MAL: variants seen among roughly 807,000 people sequenced by gnomAD.
MAL encodes myelin and lymphocyte protein.
In MAL, 5 loss-of-function variants were observed where a neutral mutation model predicts 16.7. The observed-to-expected ratio is 0.30, with a 90% CI of 0.16 to 0.63. The LOEUF (loss-of-function observed/expected upper bound fraction) is 0.63, where lower values mean the gene tolerates loss of function less well. MAL is among the 30% of genes least tolerant of loss of function. MAL has a pLI of 0.82. For synonymous variants in MAL, 96 were observed against 85.5 expected, an observed-to-expected ratio of 1.12 and a Z score of -0.67; for missense variants, 202 against 195.8, an observed-to-expected ratio of 1.03 and a Z score of -0.19.
chr2:95,025,941 G>A lies in MAL; in HGVS notation c.93+56G>A. 2.1e-6 allele frequency: 3 copies of A among 1,440,940 alleles called. No individual in the cohort carries two copies. The highest frequency in any genetic ancestry group is 9.4e-7 in the Non-Finnish European group (1 of 1,064,940). 89.3% of individuals were successfully genotyped at this position (1,440,940 alleles called of 1,614,324 possible). A position where few individuals can be genotyped will look rare whatever the true frequency, so the allele number is the denominator to read the frequency against. On this transcript the variant is annotated intron_variant, in intron 1 of 3. Coordinates refer to ENST00000309988, the MANE Select transcript of MAL (RefSeq NM_002371.4). This position sits in a 1 kb window ranked among gnomAD's most constrained non-coding sequence, Gnocchi z 5.6. ...GGTGGGCTGAGCCGTGCGCTCTCTC[G>A]GGCGCCCAGCACAGCTGTCGGACGG...
chr2:95,030,947 G>T (rs1314286611), intron 1 of MAL, among the ~76,000 whole-genome samples: 2 of 152,206 alleles, frequency 1.3e-5, no homozygotes, highest in East Asian at 1.9e-4. Flanking sequence ...TTTCTACCTG[G>T]CTGGGGAATA....
intron 1 of MAL, among the ~76,000 whole-genome samples, chr2:95,041,777 T>C (rs1345591944): frequency 6.6e-6 from 1 of 152,046 alleles, no homozygotes; most frequent in Non-Finnish European, 1.5e-5. Context: ...CTTCTCCAAG[T>C]TCACACAAGA....
intron 1 of MAL, among the ~76,000 whole-genome samples, chr2:95,028,165 A>C (rs951072183): frequency 2.8e-4 from 42 of 149,812 alleles, no homozygotes; most frequent in Admixed American, 1.9e-3. Flanking sequence ...AAAAAAAAAA[A>C]AAAAAAAAAA....
chr2:95,053,612 C>G lies in MAL; in HGVS notation c.*157C>G. On this transcript the variant is annotated 3_prime_UTR_variant, in exon 4 of 4. Transcript: ENST00000309988. ...AAAAAAAAAGCCCTGCCCTGTTGCT[C>G]GTGGGTGCTGTGTTTACTCTCCCGT... 2 of 630,570 alleles carry G rather than the reference C, an allele frequency of 3.2e-6. No homozygotes were observed. The highest frequency in any genetic ancestry group is 5.5e-6 in the Non-Finnish European group (2 of 361,800). 39.1% of individuals were successfully genotyped at this position (630,570 alleles called of 1,614,324 possible).
Position 95,053,561 on chromosome 2 carries a change from G to A in MAL, c.*106G>A. ...GAAATGCCCTTGATGGTGGAAAAAAGAAAACAACCACCCCCCCACTGCCCA... is the reference window on the plus strand; with the variant it reads ...GAAATGCCCTTGATGGTGGAAAAAAAAAAACAACCACCCCCCCACTGCCCA... On this transcript the variant is annotated 3_prime_UTR_variant, in exon 4 of 4. Transcript: ENST00000309988. The A allele has an allele frequency of 7.1e-6, 6 of 846,538 alleles. No homozygotes were observed. Among genetic ancestry groups the A allele is most frequent in the South Asian group, 3.1e-5 (2 of 64,304 alleles). 52.4% of individuals were successfully genotyped at this position (846,538 alleles called of 1,614,324 possible). A position where few individuals can be genotyped will look rare whatever the true frequency, so the allele number is the denominator to read the frequency against.
chr2:95,046,969 G>GAATA (rs1674604094), intron 1 of MAL, among the ~76,000 whole-genome samples: 1 of 145,414 alleles, frequency 6.9e-6, no homozygotes, highest in African/African-American at 2.5e-5. Context: ...AAGAAAGAAA[G>GAATA]AAGAAAGAAA....
chr2:95,049,556 C>T (rs1261803248), intron 2 of MAL, 25 bp from the exon 3 acceptor site: 8 of 1,613,652 alleles, frequency 5.0e-6, no homozygotes, highest in South Asian at 1.1e-5. Context: ...CTCCCCATCC[C>T]TCTGACACCC....
At chr2:95,038,521 T>TCC (rs1674322146) in intron 1 of MAL, among the ~76,000 whole-genome samples, 3 of 150,918 alleles carry the variant, frequency 2.0e-5, no homozygotes, top group Non-Finnish European at 4.4e-5. Context: ...AGTGGGTGAG[T>TCC]GAGTGACTGA....
intron 1 of MAL, among the ~76,000 whole-genome samples, chr2:95,046,861 G>A (rs1674596999): frequency 6.6e-6 from 1 of 151,142 alleles, no homozygotes; most frequent in Admixed American, 6.6e-5. Context: ...GGGAGAGAGA[G>A]AGAGAAAGAG....
Position 95,039,106 on chromosome 2 carries a change from A to AGTG in MAL, c.94-8853_94-8852insGTG, listed in dbSNP as rs1558659149. 5.1e-3 allele frequency among the ~76,000 whole-genome samples: 736 copies of AGTG among 143,220 alleles called. 28 individuals carry two copies. The highest frequency in any genetic ancestry group is 7.8e-3 in the Non-Finnish European group (503 of 64,746). The allele number at this position is 143,220 out of a possible 152,430, so 94.0% of individuals were successfully genotyped here. A position where few individuals can be genotyped will look rare whatever the true frequency, so the allele number is the denominator to read the frequency against. On this transcript the variant is annotated intron_variant, in intron 1 of 3. Transcript: ENST00000309988. ...TGAGTGACTGAGTGAGTGAGTGAGT[A>AGTG]AGTGTCTGAGTGACTGAGTGAGTGA...
At chr2:95,045,234 C>T (rs1674558975) in intron 1 of MAL, among the ~76,000 whole-genome samples, 2 of 152,146 alleles carry the variant, frequency 1.3e-5, no homozygotes, top group South Asian at 4.1e-4. Context: ...TTCAGTGTTC[C>T]TCGATAGCAT....
At chr2:95,036,833 G>A (rs552102597) in intron 1 of MAL, among the ~76,000 whole-genome samples, 12 of 152,068 alleles carry the variant, frequency 7.9e-5, no homozygotes, top group African/African-American at 2.9e-4. Flanking sequence ...GACTGAGTGA[G>A]TGACTGAATG....
chr2:95,039,608 G>A (rs1345590677), intron 1 of MAL, among the ~76,000 whole-genome samples: 1 of 151,432 alleles, frequency 6.6e-6, no homozygotes, highest in Non-Finnish European at 1.5e-5. Flanking sequence ...GACTGAGTGA[G>A]TGAGTGACAG....
At chr2:95,027,243 C>T (rs576949466) in intron 1 of MAL, among the ~76,000 whole-genome samples, 159 of 152,272 alleles carry the variant, frequency 1.0e-3, no homozygotes, top group Middle Eastern at 6.8e-3. Context: ...GCGATCTGAT[C>T]TGCGGGAAAG....
chr2:95,026,542 C>T (rs1673943964), intron 1 of MAL: 3 of 151,576 alleles, frequency 2.0e-5, no homozygotes, highest in South Asian at 2.1e-4. Flanking sequence ...GAGAGCGATC[C>T]GCGCGCCTCG....
chr2:95,032,656 G>GGCATGGA (rs1231633219), intron 1 of MAL, among the ~76,000 whole-genome samples: 2 of 152,296 alleles, frequency 1.3e-5, no homozygotes, highest in African/African-American at 4.8e-5. Context: ...TGTTCCCAAG[G>GGCATGGA]GCATGGAGCA....
At chr2:95,040,270 TACAC>T (rs373619696) in intron 1 of MAL, among the ~76,000 whole-genome samples, 9 of 151,924 alleles carry the variant, frequency 5.9e-5, no homozygotes, top group African/African-American at 2.2e-4. Flanking sequence ...TGCACAGACA[TACAC>T]ACATACATAC....
In MAL at chr2:95,052,384, C is replaced by T. The variant is rs1238609092; in HGVS notation, c.388-997C>T. Among the ~76,000 whole-genome samples, 6 of 152,174 alleles carry T rather than the reference C, an allele frequency of 3.9e-5. No homozygotes were observed. In the South Asian group the frequency reaches 6.2e-4, roughly 16 times the overall value. On this transcript the variant is annotated intron_variant, in intron 3 of 3. Coordinates refer to ENST00000309988, the MANE Select transcript of MAL (RefSeq NM_002371.4). ...TGCCCACCTTTTATGGAGGGCTGCC[C>T]ACTGGTGTCTGACTGCTCCTGCCCA...
At chr2:95,028,757 G>A (rs1413483340) in intron 1 of MAL, among the ~76,000 whole-genome samples, 3 of 152,190 alleles carry the variant, frequency 2.0e-5, no homozygotes, top group East Asian at 1.9e-4. Context: ...CTACAAAGTT[G>A]ATAAACCTTG....
Sources: allele counts gnomAD v4.1 joint callset (sites outside exome capture counted in the v4.1 genomes callset), GRCh38; gene constraint gnomAD v4.1.1; non-coding constraint Gnocchi (gnomAD v3.1); transcripts MANE v1.5; gene names NCBI Gene and HGNC (gene_info 2026-07-23, HGNC 2026-07-21).